DAB1: variants seen among roughly 807,000 people sequenced by gnomAD.
The protein encoded by DAB1 is disabled homolog 1.
Under a neutral mutation model 64.6 loss-of-function variants are expected in DAB1, and 15 were observed. The observed-to-expected ratio is 0.23, with a 90% CI of 0.16 to 0.36. The LOEUF is 0.36. DAB1 is among the 10% of genes least tolerant of loss of function. DAB1 has a pLI of 1.00. For missense variants in DAB1, 596 were observed against 706.7 expected (o/e 0.84, Z 1.78); for synonymous variants, 235 against 251.9 (o/e 0.93, Z 0.64).
At chr1:58,452,250 A>T (rs1292553418) in intron 3 of DAB1, among the ~76,000 whole-genome samples, 2 of 151,704 alleles carry the variant, frequency 1.3e-5, no homozygotes, top group African/African-American at 2.4e-5. Flanking sequence ...CTTTTTTTTT[A>T]AAGGGCAAAA....
chr1:57,050,928 C>G (rs1649122630), intron 9 of DAB1, among the ~76,000 whole-genome samples: 1 of 152,134 alleles, frequency 6.6e-6, no homozygotes, highest in South Asian at 2.1e-4. Context: ...AACTGGAGCT[C>G]TGGGATTACA....
intron 4 of DAB1, among the ~76,000 whole-genome samples, chr1:57,121,197 AGAAG>A (rs1656626066): frequency 6.6e-5 from 10 of 151,234 alleles, no homozygotes; most frequent in African/African-American, 2.2e-4. Flanking sequence ...GAGAAGAAGG[AGAAG>A]GAGAAGAAGG....
chr1:57,052,727 C>A (rs1361539019), intron 9 of DAB1, among the ~76,000 whole-genome samples: 1 of 152,100 alleles, frequency 6.6e-6, no homozygotes, highest in African/African-American at 2.4e-5. Context: ...ATGAATAATT[C>A]TAATGTCCAC....
At chr1:57,429,545 T>C (rs1189212746) in intron 7 of DAB1, among the ~76,000 whole-genome samples, 2 of 152,222 alleles carry the variant, frequency 1.3e-5, no homozygotes, top group Admixed American at 1.3e-4. Context: ...TTTGGTGCCA[T>C]ATCCAAAAAA....
At chr1:57,460,827 C>T (rs1055612279) in intron 7 of DAB1, among the ~76,000 whole-genome samples, 4 of 152,224 alleles carry the variant, frequency 2.6e-5, no homozygotes, top group Middle Eastern at 3.4e-3. Flanking sequence ...CCACATGTGG[C>T]CAGAATTAAG....
At chr1:57,595,263 T>C (rs182386978) in intron 7 of DAB1, among the ~76,000 whole-genome samples, 6 of 152,022 alleles carry the variant, frequency 3.9e-5, no homozygotes, top group African/African-American at 1.2e-4. Flanking sequence ...TTTTAGATTC[T>C]AGATTTTTTT....
At chr1:57,807,833 T>C (rs1557492067) in intron 6 of DAB1, among the ~76,000 whole-genome samples, 1 of 152,110 alleles carries the variant, frequency 6.6e-6, no homozygotes, top group Admixed American at 6.6e-5. Flanking sequence ...AACATGAAGA[T>C]GATTAGGATG....
At position 58,120,686 on chromosome 1, in the gene DAB1, CCTAA is replaced by C. The variant is rs1452243446; in HGVS notation, n.387+29821_387+29824del. ...TTCCAACTTTAGCTGCCTAATAATTCCTAACTAAGAATGACAGAATTCAATACTG... is the reference window on the plus strand; with the variant it reads ...TTCCAACTTTAGCTGCCTAATAATTCCTAAGAATGACAGAATTCAATACTG... On this transcript the variant is annotated intron_variant and non_coding_transcript_variant, in intron 5 of 20. Coordinates refer to the DAB1 transcript ENST00000485760. Among the ~76,000 whole-genome samples the C allele has an allele frequency of 3.3e-5, 5 of 152,200 alleles. No individual in the cohort carries two copies. In the East Asian group the frequency reaches 9.7e-4, roughly 29 times the overall value.
At chr1:57,035,257 T>G (rs2100445916) in intron 9 of DAB1, among the ~76,000 whole-genome samples, 1 of 152,320 alleles carries the variant, frequency 6.6e-6, no homozygotes, top group African/African-American at 2.4e-5. Flanking sequence ...GGGTCATAAC[T>G]TTTAATAAAA....
At chr1:58,021,596 C>T (rs1354822579) in intron 5 of DAB1, among the ~76,000 whole-genome samples, 2 of 152,076 alleles carry the variant, frequency 1.3e-5, no homozygotes, top group African/African-American at 4.8e-5. Flanking sequence ...GGACTGTGAG[C>T]ATATGAGTAC....
chr1:57,788,552 T>G (rs1002519933), intron 6 of DAB1, among the ~76,000 whole-genome samples: 1 of 152,098 alleles, frequency 6.6e-6, no homozygotes, highest in Non-Finnish European at 1.5e-5. Context: ...CAAAGAAGTA[T>G]GAGGGAACCA....
chr1:57,182,425 T>C (rs556612900), intron 2 of DAB1, among the ~76,000 whole-genome samples: 2 of 152,272 alleles, frequency 1.3e-5, no homozygotes, highest in African/African-American at 4.8e-5. Flanking sequence ...AGCTGCAGAA[T>C]TGGAAACTAG....
At chr1:58,322,298 C>T (rs1191777420) in intron 4 of DAB1, among the ~76,000 whole-genome samples, 1 of 152,132 alleles carries the variant, frequency 6.6e-6, no homozygotes, top group Non-Finnish European at 1.5e-5. Context: ...TCAGAGTGAA[C>T]AGGCAAGCTA....
chr1:57,311,371 G>C (rs910837753), intron 1 of DAB1, among the ~76,000 whole-genome samples: 2 of 152,026 alleles, frequency 1.3e-5, no homozygotes, highest in East Asian at 3.9e-4. Context: ...CCTGAAGCCT[G>C]AGCACACTGG....
chr1:57,349,595 C>T (rs1678409607), intron 1 of DAB1, among the ~76,000 whole-genome samples: 1 of 152,130 alleles, frequency 6.6e-6, no homozygotes, highest in African/African-American at 2.4e-5. Flanking sequence ...CACAAACTAT[C>T]ATATTTCCCC....
intron 5 of DAB1, among the ~76,000 whole-genome samples, chr1:57,973,467 T>C (rs1263134058): frequency 6.6e-6 from 1 of 152,200 alleles, no homozygotes; most frequent in Non-Finnish European, 1.5e-5. Flanking sequence ...ATACAATAAA[T>C]ATACATCTTC....
chr1:57,460,053 G>T (rs1686731339), intron 7 of DAB1, among the ~76,000 whole-genome samples: 1 of 152,182 alleles, frequency 6.6e-6, no homozygotes. Flanking sequence ...AGCTCATCGG[G>T]CACTTTTGTA....
intron 1 of DAB1, chr1:58,534,097 A>G (rs769487968): frequency 2.3e-6 from 2 of 867,468 alleles, no homozygotes; most frequent in Non-Finnish European, 4.0e-6. Context: ...CAATTAGAAC[A>G]TCATAAAAAA....
intron 5 of DAB1, among the ~76,000 whole-genome samples, chr1:58,049,523 C>T (rs1282277852): frequency 1.3e-5 from 2 of 152,006 alleles, no homozygotes; most frequent in African/African-American, 4.8e-5. Flanking sequence ...AAATTAGAAC[C>T]AAGTATATGA....
Sources: allele counts gnomAD v4.1 joint callset (sites outside exome capture counted in the v4.1 genomes callset), GRCh38; gene constraint gnomAD v4.1.1; transcripts MANE v1.5; gene names NCBI Gene and HGNC (gene_info 2026-07-23, HGNC 2026-07-21).